SORCS2: variants seen among roughly 807,000 people sequenced by gnomAD.
The protein encoded by SORCS2 is sortilin related VPS10 domain containing receptor 2.
A neutral mutation model predicts 141.6 loss-of-function variants in SORCS2; 100 were observed. The ratio of observed to expected loss-of-function variants is 0.71; its 90% CI spans 0.60 to 0.83. The LOEUF (loss-of-function observed/expected upper bound fraction) is 0.83, where lower values mean the gene tolerates loss of function less well. Ranked by LOEUF, SORCS2 falls within the 40% of genes least tolerant of loss-of-function variation. SORCS2 has a pLI of 0.00. For missense variants in SORCS2, 1,646 were observed against 1,560.2 expected, an observed-to-expected ratio of 1.05 and a Z score of -0.93; for synonymous variants, 789 against 676.9, an observed-to-expected ratio of 1.17 and a Z score of -2.57.
At chr4:7,642,105 TCCAGGTCAGGGAC>T (rs1401323659) in intron 4 of SORCS2, among the ~76,000 whole-genome samples, 1 of 152,192 alleles carries the variant, frequency 6.6e-6, no homozygotes, top group Non-Finnish European at 1.5e-5. Flanking sequence ...ACAGGGACAG[TCCAGGTCAGGGAC>T]CTCCAAATGG....
intron 1 of SORCS2, among the ~76,000 whole-genome samples, chr4:7,224,673 C>G (rs1342496088): frequency 6.6e-6 from 1 of 152,202 alleles, no homozygotes; most frequent in African/African-American, 2.4e-5. Context: ...CAGGCCCCAC[C>G]GCCAACACTG....
At chr4:7,228,073 G>T (rs369698475) in intron 1 of SORCS2, among the ~76,000 whole-genome samples, 1 of 152,294 alleles carries the variant, frequency 6.6e-6, no homozygotes, top group Non-Finnish European at 1.5e-5. Context: ...CAGGCTGGGG[G>T]CTTCCACAGC....
chr4:7,396,134 C>A (rs908680764), intron 1 of SORCS2, 154 bp from the exon 2 acceptor site: 17 of 628,724 alleles, frequency 2.7e-5, no homozygotes, highest in Non-Finnish European at 4.5e-5. Flanking sequence ...TGTAGGGTGG[C>A]CCAGAGCCTC....
At chr4:7,546,729 C>T (rs767590457) in intron 3 of SORCS2, among the ~76,000 whole-genome samples, 11 of 152,176 alleles carry the variant, frequency 7.2e-5, no homozygotes, top group African/African-American at 1.9e-4. Context: ...TTCCATTTTC[C>T]AACACTGTGG....
At chr4:7,256,533 A>T (rs182073356) in intron 1 of SORCS2, among the ~76,000 whole-genome samples, 99 of 152,174 alleles carry the variant, frequency 6.5e-4, no homozygotes, top group Admixed American at 2.3e-3. Flanking sequence ...TCATTTATTC[A>T]TTGAATACCC....
chr4:7,625,616 C>T (rs1196260199), intron 3 of SORCS2, among the ~76,000 whole-genome samples: 5 of 151,008 alleles, frequency 3.3e-5, no homozygotes, highest in Non-Finnish European at 5.9e-5. Flanking sequence ...CAGGTGGGTA[C>T]GATGGTCACT....
intron 3 of SORCS2, among the ~76,000 whole-genome samples, chr4:7,565,104 G>A (rs1447830884): frequency 6.6e-6 from 1 of 152,192 alleles, no homozygotes; most frequent in African/African-American, 2.4e-5. Flanking sequence ...GGGCTTCCTG[G>A]CATTTCTGGA....
chr4:7,661,886 G>A (rs189606026), intron 6 of SORCS2, among the ~76,000 whole-genome samples: 98 of 152,200 alleles, frequency 6.4e-4, no homozygotes, highest in Non-Finnish European at 1.1e-3. Flanking sequence ...GTGGGGGCAC[G>A]GGTGTGCACA....
At chr4:7,350,305 A>C (rs1172009517) in intron 1 of SORCS2, among the ~76,000 whole-genome samples, 6 of 152,332 alleles carry the variant, frequency 3.9e-5, no homozygotes, top group Non-Finnish European at 2.9e-5. Context: ...AGCGTTCCAG[A>C]GTGGGGCTAC....
At chr4:7,352,247 T>C (rs1255479039) in intron 1 of SORCS2, among the ~76,000 whole-genome samples, 1 of 152,244 alleles carries the variant, frequency 6.6e-6, no homozygotes, top group Non-Finnish European at 1.5e-5. Context: ...TGTGTCTTCT[T>C]TATCTCTCAG....
rs565015649 is a variant in SORCS2 at position 7,253,985 on chromosome 4, C to G, written c.480+60859C>G. ...AAACCACAATAAGATATCATCTCACCCCAGTCAGAATGGCTAGTATTAAAA... is the reference window on the plus strand; with the variant it reads ...AAACCACAATAAGATATCATCTCACGCCAGTCAGAATGGCTAGTATTAAAA... On this transcript the variant is annotated intron_variant, in intron 1 of 26. Coordinates refer to ENST00000507866, the MANE Select transcript of SORCS2 (RefSeq NM_020777.3). Among the ~76,000 whole-genome samples the G allele has an allele frequency of 2.6e-5, 4 of 152,256 alleles. No homozygotes were observed. In the East Asian group the frequency reaches 7.7e-4, roughly 29 times the overall value.
chr4:7,355,149 G>GA (rs1028085217), intron 1 of SORCS2, among the ~76,000 whole-genome samples: 1 of 152,128 alleles, frequency 6.6e-6, no homozygotes, highest in Admixed American at 6.5e-5. Flanking sequence ...TCGCTGGGAG[G>GA]AAACTGGGCC....
chr4:7,547,386 G>A (rs571324434), intron 3 of SORCS2, among the ~76,000 whole-genome samples: 11 of 152,150 alleles, frequency 7.2e-5, no homozygotes, highest in Non-Finnish European at 5.9e-5. Flanking sequence ...ATCCCCGGTC[G>A]CATACTTGGA....
intron 3 of SORCS2, among the ~76,000 whole-genome samples, chr4:7,637,230 G>A (rs1042686611): frequency 3.3e-5 from 5 of 152,178 alleles, no homozygotes; most frequent in African/African-American, 1.2e-4. Flanking sequence ...CTGTGCTGCT[G>A]TCCGAGGCCT....
intron 2 of SORCS2, among the ~76,000 whole-genome samples, chr4:7,527,552 G>A (rs1338446678): frequency 2.0e-5 from 3 of 152,178 alleles, no homozygotes; most frequent in Non-Finnish European, 4.4e-5. Context: ...GCTTCCAGGA[G>A]GTGCCTACAC....
chr4:7,227,735 C>G (rs1355668271), intron 1 of SORCS2, among the ~76,000 whole-genome samples: 2 of 152,298 alleles, frequency 1.3e-5, no homozygotes, highest in East Asian at 3.9e-4. Context: ...TCTCCCCAGT[C>G]CCAAGAGCAG....
rs534239410 is a variant in SORCS2, at chr4:7,370,660, C to T, written c.481-25628C>T. ...TTCCCCTGGCGCGGCCCCTGCCTGC[C>T]GGTGGCGGGGTGCTATCCCGAGCTG... On this transcript the variant is annotated intron_variant, in intron 1 of 26. Coordinates refer to ENST00000507866, the MANE Select transcript of SORCS2 (RefSeq NM_020777.3). Among the ~76,000 whole-genome samples the T allele has an allele frequency of 9.2e-5, 14 of 152,336 alleles. No homozygotes were observed. In the East Asian group the frequency reaches 1.2e-3, roughly 13 times the overall value.
At chr4:7,275,959 G>A (rs929643637) in intron 1 of SORCS2, among the ~76,000 whole-genome samples, 17 of 152,196 alleles carry the variant, frequency 1.1e-4, no homozygotes, top group Admixed American at 3.3e-4. Context: ...CCAGGCAAGT[G>A]CCTGGACCGA....
intron 1 of SORCS2, among the ~76,000 whole-genome samples, chr4:7,356,198 A>T (rs1399851069): frequency 6.6e-6 from 1 of 152,094 alleles, no homozygotes; most frequent in Non-Finnish European, 1.5e-5. Context: ...CCCCCTTCTT[A>T]GCTGTATTTG....
Sources: allele counts gnomAD v4.1 joint callset (sites outside exome capture counted in the v4.1 genomes callset), GRCh38; gene constraint gnomAD v4.1.1; transcripts MANE v1.5; gene names NCBI Gene and HGNC (gene_info 2026-07-23, HGNC 2026-07-21).